ZNF532: variants seen among roughly 807,000 people sequenced by gnomAD.
ZNF532 encodes zinc finger protein 532.
A neutral mutation model predicts 89.3 loss-of-function variants in ZNF532; 22 were observed. The ratio of observed to expected loss-of-function variants is 0.25; its 90% confidence interval spans 0.18 to 0.35. The LOEUF (loss-of-function observed/expected upper bound fraction) is 0.35. Ranked by LOEUF, ZNF532 falls within the 10% of genes least tolerant of loss-of-function variation. The probability of loss-of-function intolerance (pLI) is 1.00; values close to 1 mark genes in which losing one functional copy is unlikely to be tolerated. For missense variants in ZNF532, 1,132 were observed against 1,643.4 expected, an observed-to-expected ratio of 0.69 and a Z score of 5.38; for synonymous variants, 606 against 649.6, an observed-to-expected ratio of 0.93 and a Z score of 1.02.
intron 5 of ZNF532, among the ~76,000 whole-genome samples, chr18:58,944,942 C>A (rs753026129): frequency 4.6e-5 from 7 of 152,188 alleles, no homozygotes; most frequent in Admixed American, 1.3e-4. Flanking sequence ...GTGTGTTCTG[C>A]TCTCTTCCAC....
Position 58,920,048 on chromosome 18 carries a change from G to A in ZNF532, c.1761G>A (p.Val587=), listed in dbSNP as rs778080173. 6.2e-7 allele frequency: 1 copy of A among 1,613,896 alleles called. No homozygotes were observed. Among genetic ancestry groups the A allele is most frequent in the Non-Finnish European group, 8.5e-7 (1 of 1,179,840 alleles). ...QSSVVEAFNK[V]LSSVNPVPVY... ...CTGTGGTGGAAGCTTTCAACAAGGT[G>A]CTGAGCAGTGTCAATCCAGTCCCTG... Residue 587 remains valine, a synonymous_variant, in exon 3 of 10, where the codon GTG becomes GTA. Coordinates refer to ENST00000591808, the MANE Select transcript of ZNF532 (RefSeq NM_001375912.1).
intron 3 of ZNF532, 192 bp from the exon 4 acceptor site, chr18:58,934,241 G>C: frequency 1.9e-6 from 1 of 527,570 alleles, no homozygotes; most frequent in Middle Eastern, 3.7e-4. Context: ...AGCACATACT[G>C]TGATTTTACA....
intron 4 of ZNF532, among the ~76,000 whole-genome samples, chr18:58,937,471 T>C (rs1250031492): frequency 2.0e-5 from 3 of 152,226 alleles, no homozygotes; most frequent in Non-Finnish European, 4.4e-5. Context: ...CTTCAAAAAA[T>C]TCCATCTTTA....
chr18:58,900,890 A>G (rs2059558335), intron 2 of ZNF532, among the ~76,000 whole-genome samples: 1 of 152,056 alleles, frequency 6.6e-6, no homozygotes, highest in African/African-American at 2.4e-5. Flanking sequence ...CCAACCCCCA[A>G]GCTCTAAGCA....
At chr18:58,971,123 C>T (rs1226489352) in intron 7 of ZNF532, among the ~76,000 whole-genome samples, 1 of 152,186 alleles carries the variant, frequency 6.6e-6, no homozygotes, top group Non-Finnish European at 1.5e-5. Context: ...TAACCAGAAA[C>T]TTCGGAGACT....
intron 7 of ZNF532, among the ~76,000 whole-genome samples, chr18:58,966,536 G>A (rs931248097): frequency 1.3e-5 from 2 of 152,020 alleles, no homozygotes; most frequent in African/African-American, 4.8e-5. Context: ...GGAACCATAA[G>A]GTTTGCCCTC....
At chr18:58,927,538 A>C (rs980163055) in intron 3 of ZNF532, among the ~76,000 whole-genome samples, 7 of 151,706 alleles carry the variant, frequency 4.6e-5, no homozygotes, top group African/African-American at 1.7e-4. Flanking sequence ...AAACCCAGGG[A>C]ACTGACTACC....
intron 2 of ZNF532, among the ~76,000 whole-genome samples, chr18:58,914,459 A>T (rs1603030908): frequency 6.6e-6 from 1 of 152,232 alleles, no homozygotes; most frequent in Admixed American, 6.5e-5. Context: ...CGGCGGGCGG[A>T]TCACGAGGTC....
At chr18:58,959,252 TGTTTTTTGTTTTTTTTTGTTTTTTTTTG>T (rs1452564209) in intron 7 of ZNF532, among the ~76,000 whole-genome samples, 1 of 144,964 alleles carries the variant, frequency 6.9e-6, no homozygotes, top group East Asian at 2.2e-4. Context: ...TTCAGTTTTT[TGTTTTTTGTTTTTTTTTGTTTTTTTTTG>T]GTTTTTTTTT....
At chr18:58,982,389 G>C (rs531147220) in intron 9 of ZNF532, among the ~76,000 whole-genome samples, 2 of 152,046 alleles carry the variant, frequency 1.3e-5, no homozygotes, top group Non-Finnish European at 2.9e-5. Flanking sequence ...GGGAAGCTGA[G>C]GCGGGCAGAT....
At chr18:58,921,002 A>G (rs117001012) in intron 3 of ZNF532, among the ~76,000 whole-genome samples, 2,027 of 151,902 alleles carry the variant, frequency 0.013, 22 homozygotes, top group Non-Finnish European at 0.021. Flanking sequence ...AGGTGGGAAG[A>G]TTGCTTGAGC....
intron 7 of ZNF532, chr18:58,954,034 A>C (rs570787318): frequency 6.1e-6 from 6 of 985,402 alleles, no homozygotes; most frequent in Non-Finnish European, 7.2e-6. Context: ...ACTGGTGTGC[A>C]TGAATGTGGT....
chr18:58,956,445 T>C (rs1192515620), intron 7 of ZNF532, among the ~76,000 whole-genome samples: 1 of 152,196 alleles, frequency 6.6e-6, no homozygotes, highest in Non-Finnish European at 1.5e-5. Flanking sequence ...GTGAAATGAA[T>C]GGTGTTGAGT....
intron 2 of ZNF532, among the ~76,000 whole-genome samples, chr18:58,879,572 G>A (rs1416945287): frequency 1.3e-5 from 2 of 152,072 alleles, no homozygotes; most frequent in African/African-American, 4.8e-5. Flanking sequence ...TGTATTTTTA[G>A]TAGAGACAGG....
At chr18:58,974,105 C>T (rs2066773277) in intron 7 of ZNF532, among the ~76,000 whole-genome samples, 1 of 152,112 alleles carries the variant, frequency 6.6e-6, no homozygotes, top group African/African-American at 2.4e-5. Flanking sequence ...ATTTTATAAA[C>T]TATATCTCAA....
intron 7 of ZNF532, among the ~76,000 whole-genome samples, chr18:58,962,487 A>AGT (rs1311655424): frequency 1.3e-5 from 2 of 152,172 alleles, no homozygotes; most frequent in Non-Finnish European, 2.9e-5. Flanking sequence ...CAGGGGGAGC[A>AGT]GTGAGTCTGA....
chr18:58,971,989 A>AG (rs753151346), intron 7 of ZNF532, among the ~76,000 whole-genome samples: 5 of 152,174 alleles, frequency 3.3e-5, no homozygotes, highest in Non-Finnish European at 7.3e-5. Flanking sequence ...AGATCACCTG[A>AG]GGTAAGAAGT....
intron 7 of ZNF532, among the ~76,000 whole-genome samples, chr18:58,971,063 G>A (rs934996291): frequency 8.5e-5 from 13 of 152,274 alleles, no homozygotes; most frequent in African/African-American, 2.4e-4. Flanking sequence ...ACTGTTCTGC[G>A]TCATTACTTT....
chr18:58,902,166 C>G (rs888963695), intron 2 of ZNF532, among the ~76,000 whole-genome samples: 1 of 152,084 alleles, frequency 6.6e-6, no homozygotes, highest in East Asian at 1.9e-4. Context: ...GGTCTGTGAG[C>G]CCGGCCCTGT....
Sources: allele counts gnomAD v4.1 joint callset (sites outside exome capture counted in the v4.1 genomes callset), GRCh38; gene constraint gnomAD v4.1.1; transcripts MANE v1.5; gene names NCBI Gene and HGNC (gene_info 2026-07-23, HGNC 2026-07-21).